The following ATG2B variants were observed in gnomAD, a reference collection of about 807,000 sequenced individuals.
The protein encoded by ATG2B is autophagy-related protein 2 homolog B.
In ATG2B, 121 loss-of-function variants were observed where a neutral mutation model predicts 241.3. The ratio of observed to expected loss-of-function variants is 0.50; its 90% CI spans 0.43 to 0.58. ATG2B has a LOEUF of 0.58. Ranked by LOEUF, ATG2B falls within the 20% of genes least tolerant of loss-of-function variation. ATG2B has a pLI of 0.00. For synonymous variants in ATG2B, 858 were observed against 876.6 expected (o/e 0.98, Z 0.37); for missense variants, 2,306 against 2,491.6 (o/e 0.93, Z 1.59).
Position 96,331,653 on chromosome 14 carries a change from T to TA in ATG2B, c.1469-17dup, listed in dbSNP as rs1348843737. On this transcript the variant is annotated splice_polypyrimidine_tract_variant and intron_variant, in intron 10 of 41. Transcript: ENST00000359933. The stretch of plus-strand genomic sequence containing the variant: ...GATGGGAGAGCTAAAATACAAGTAT[T>TA]AAAATTATATACATAAAATTTGACA... 1.3e-6 allele frequency: 2 copies of TA among 1,544,102 alleles called. No homozygotes were observed. The highest frequency in any genetic ancestry group is 2.1e-5 in the Admixed American group (1 of 47,860).
intron 14 of ATG2B, among the ~76,000 whole-genome samples, chr14:96,327,518 AT>A (rs753886205): frequency 1.3e-5 from 2 of 152,082 alleles, no homozygotes; most frequent in Non-Finnish European, 2.9e-5. Flanking sequence ...TATATCCCAT[AT>A]TGTTTGGGCT....
At position 96,284,301 on chromosome 14, in the gene ATG2B, G is replaced by T. The variant is rs1412267428; in HGVS notation, c.*1454C>A. 3 of 152,014 alleles carry T rather than the reference G, an allele frequency of 2.0e-5. No homozygotes were observed. The highest frequency in any genetic ancestry group is 7.2e-5 in the African/African-American group (3 of 41,388). The allele number at this position is 152,014 out of a possible 1,614,324, so 9.4% of individuals were successfully genotyped here. Reference sequence around the variant, plus strand: ...ACGCTGTTGTCTTTTTAAGTTTTTTGGCAGTAAAAAGGAAACTAAAATTAA... The same window carrying T: ...ACGCTGTTGTCTTTTTAAGTTTTTTTGCAGTAAAAAGGAAACTAAAATTAA... On this transcript the variant is annotated 3_prime_UTR_variant, in exon 42 of 42. Transcript: ENST00000359933.
chr14:96,314,336 T>A (rs1887244171), intron 23 of ATG2B, among the ~76,000 whole-genome samples: 7 of 152,190 alleles, frequency 4.6e-5, no homozygotes, highest in Admixed American at 4.6e-4. Context: ...AACTTCTTAC[T>A]CAAAGTCTCC....
chr14:96,340,483 G>C (rs985855486), intron 6 of ATG2B, among the ~76,000 whole-genome samples: 2 of 151,976 alleles, frequency 1.3e-5, no homozygotes, highest in Non-Finnish European at 2.9e-5. Context: ...TCATAGGCAG[G>C]AGCTAAAAAA....
At position 96,363,088 on chromosome 14, in the gene ATG2B, C is replaced by G; in HGVS notation, c.-112G>C. 2 of 1,275,006 alleles carry G rather than the reference C, an allele frequency of 1.6e-6. No homozygotes were observed. The highest frequency in any genetic ancestry group is 2.2e-6 in the Non-Finnish European group (2 of 890,752). 79.0% of individuals were successfully genotyped at this position (1,275,006 alleles called of 1,614,324 possible). Reference sequence around the variant, plus strand: ...GGGGCCTAAGCCTGGGGCGGCCCCTCCATCCCTATTTGGTGCCGGGAGTCC... The same window carrying G: ...GGGGCCTAAGCCTGGGGCGGCCCCTGCATCCCTATTTGGTGCCGGGAGTCC... On this transcript the variant is annotated 5_prime_UTR_variant, in exon 1 of 42. Coordinates refer to ENST00000359933, the MANE Select transcript of ATG2B (RefSeq NM_018036.7).
intron 36 of ATG2B, 94 bp downstream of exon 36, chr14:96,294,866 G>A: frequency 1.8e-6 from 2 of 1,137,598 alleles, no homozygotes; most frequent in Non-Finnish European, 2.5e-6. Context: ...AAGAAAAGCT[G>A]ACGGAACCTC....
At chr14:96,316,499 A>C in intron 21 of ATG2B, 34 bp downstream of exon 21, 1 of 1,593,848 alleles carries the variant, frequency 6.3e-7, no homozygotes, top group Non-Finnish European at 8.5e-7. Flanking sequence ...AAACATGTCT[A>C]AAGAGAAGAA....
chr14:96,339,317 C>T (rs1160634638), intron 6 of ATG2B, among the ~76,000 whole-genome samples: 1 of 151,254 alleles, frequency 6.6e-6, no homozygotes, highest in Non-Finnish European at 1.5e-5. Flanking sequence ...TACATATATA[C>T]ACACACATAT....
chr14:96,355,733 T>C (rs990534990), intron 1 of ATG2B, among the ~76,000 whole-genome samples: 4 of 152,144 alleles, frequency 2.6e-5, no homozygotes, highest in Admixed American at 6.5e-5. Flanking sequence ...CAAGGTGTGC[T>C]TGACAATATG....
At chr14:96,352,329 T>C (rs928606434) in intron 1 of ATG2B, among the ~76,000 whole-genome samples, 6 of 152,170 alleles carry the variant, frequency 3.9e-5, no homozygotes, top group Non-Finnish European at 8.8e-5. Flanking sequence ...GGCTTCTGTT[T>C]TAATACCTAT....
chr14:96,361,338 G>A (rs1461306299), intron 1 of ATG2B, among the ~76,000 whole-genome samples: 2 of 152,178 alleles, frequency 1.3e-5, no homozygotes, highest in African/African-American at 4.8e-5. Flanking sequence ...GCCATGTGAT[G>A]TAATACTTGC....
chr14:96,347,794 T>C (rs570934177), intron 1 of ATG2B, among the ~76,000 whole-genome samples: 1 of 152,274 alleles, frequency 6.6e-6, no homozygotes, highest in Admixed American at 6.5e-5. Context: ...ATCATCTCAC[T>C]ACAGTTAAAA....
intron 34 of ATG2B, among the ~76,000 whole-genome samples, chr14:96,300,050 G>A (rs1451336328): frequency 6.6e-6 from 1 of 152,158 alleles, no homozygotes; most frequent in Non-Finnish European, 1.5e-5. Flanking sequence ...TATTTGTGGT[G>A]TGGCTTTGTT....
intron 1 of ATG2B, among the ~76,000 whole-genome samples, chr14:96,348,893 CTACT>C (rs925350682): frequency 6.6e-6 from 1 of 151,966 alleles, no homozygotes; most frequent in African/African-American, 2.4e-5. Context: ...ATATATATAC[CTACT>C]ATGTACCCAC....
In ATG2B at chr14:96,308,253, C is replaced by CATATATATATATATATAT. The variant is rs1309788039; in HGVS notation, c.4303+1199_4303+1200insATATATATATATATATAT. ...ATACATATATATATATATATATATA[C>CATATATATATATATATAT]ACACATATATATATATATATATATA... On this transcript the variant is annotated intron_variant, in intron 29 of 41. Coordinates refer to ENST00000359933, the MANE Select transcript of ATG2B (RefSeq NM_018036.7). Among the ~76,000 whole-genome samples the CATATATATATATATATAT allele has an allele frequency of 3.5e-3, 129 of 36,392 alleles. 2 individuals carry two copies. The highest frequency in any genetic ancestry group is 5.0e-3 in the Non-Finnish European group (114 of 23,014). 23.9% of individuals were successfully genotyped at this position (36,392 alleles called of 152,430 possible).
At position 96,320,277 on chromosome 14, in the gene ATG2B, T is replaced by C. The variant is rs201012321; in HGVS notation, c.2879+1835A>G. Among the ~76,000 whole-genome samples the C allele has an allele frequency of 3.9e-5, 6 of 152,306 alleles. No individual in the cohort carries two copies. The East Asian group carries it at 1.2e-3, about 29-fold the overall frequency. On this transcript the variant is annotated intron_variant, in intron 18 of 41. Coordinates refer to ENST00000359933, the MANE Select transcript of ATG2B (RefSeq NM_018036.7). ...ATACTCGCCAAAGACCAACTGTGTC[T>C]GGCTTCAAATCTGCTTGTATTTGTT...
chr14:96,308,266 A>T (rs1472576729), intron 29 of ATG2B, among the ~76,000 whole-genome samples: 2 of 15,550 alleles, frequency 1.3e-4, no homozygotes, highest in East Asian at 9.2e-4. Flanking sequence ...ACATATATAT[A>T]TATATATATA....
chr14:96,284,729 G>A lies in ATG2B; in HGVS notation c.*1026C>T, dbSNP rs1886290639. ...GCTCTAAGAAAAGCAAAATATTCAT[G>A]GAAGCATAAAACAATATCACCTTTA... On this transcript the variant is annotated 3_prime_UTR_variant, in exon 42 of 42. Coordinates refer to ENST00000359933, the MANE Select transcript of ATG2B (RefSeq NM_018036.7). The A allele has an allele frequency of 6.6e-6, 1 of 152,152 alleles. No homozygotes were observed. Among genetic ancestry groups the A allele is most frequent in the African/African-American group, 2.4e-5 (1 of 41,420 alleles). The allele number at this position is 152,152 out of a possible 1,614,324, so 9.4% of individuals were successfully genotyped here.
chr14:96,320,237 A>G (rs2139868399), intron 18 of ATG2B, among the ~76,000 whole-genome samples: 1 of 152,252 alleles, frequency 6.6e-6, no homozygotes, highest in Middle Eastern at 3.4e-3. Context: ...CTATCAGTGG[A>G]GTTATATATT....
Sources: allele counts gnomAD v4.1 joint callset (sites outside exome capture counted in the v4.1 genomes callset), GRCh38; gene constraint gnomAD v4.1.1; transcripts MANE v1.5; gene names NCBI Gene and HGNC (gene_info 2026-07-23, HGNC 2026-07-21).